The following ZC3H11A variants were observed in gnomAD, a reference collection of about 807,000 sequenced individuals.
The protein encoded by ZC3H11A is zinc finger CCCH domain-containing protein 11A.
ZC3H11A carries 22 observed loss-of-function variants against 90.8 expected under a neutral mutation model. The ratio of observed to expected loss-of-function variants is 0.24; its 90% CI spans 0.17 to 0.35. The LOEUF is 0.35. ZC3H11A is among the 10% of genes least tolerant of loss of function. The probability of loss-of-function intolerance (pLI) is 1.00; values close to 1 mark genes in which losing one functional copy is unlikely to be tolerated. For missense variants in ZC3H11A, 701 were observed against 964.9 expected, an observed-to-expected ratio of 0.73 and a Z score of 3.62; for synonymous variants, 294 against 339.8, an observed-to-expected ratio of 0.87 and a Z score of 1.48.
chr1:203,798,112 A>G, intron 1 of ZC3H11A: 7 of 1,536,152 alleles, frequency 4.6e-6, no homozygotes, highest in Non-Finnish European at 6.1e-6. Context: ...AGTGGAGAGG[A>G]GGACTTTACC....
chr1:203,829,226 T>G, intron 5 of ZC3H11A: 1 of 577,076 alleles, frequency 1.7e-6, no homozygotes. Context: ...GTTGATTCTG[T>G]TTTGAGTGCC....
chr1:203,797,904 A>G (rs1669162905), intron 1 of ZC3H11A: 2 of 1,535,996 alleles, frequency 1.3e-6, no homozygotes, highest in Non-Finnish European at 1.7e-6. Flanking sequence ...TCTACCTAGT[A>G]CTAGAGCCAA....
chr1:203,834,071 A>C, intron 10 of ZC3H11A: 1 of 1,215,496 alleles, frequency 8.2e-7, no homozygotes, highest in Middle Eastern at 3.2e-4. Flanking sequence ...GACCATGACC[A>C]GCGTTTTGGA....
chr1:203,811,838 A>T (rs1315663737), intron 2 of ZC3H11A, among the ~76,000 whole-genome samples: 244 of 134,500 alleles, frequency 1.8e-3, no homozygotes, highest in African/African-American at 6.2e-3. Flanking sequence ...TTTTTTTTTT[A>T]GACAGGTCTC....
chr1:203,804,154 T>G (rs1446468358), intron 2 of ZC3H11A, among the ~76,000 whole-genome samples: 3 of 112,218 alleles, frequency 2.7e-5, no homozygotes, highest in Non-Finnish European at 4.0e-5. Flanking sequence ...GTATATGTGT[T>G]TTTTTTTTTT....
At chr1:203,807,199 G>C (rs1433651067) in intron 2 of ZC3H11A, among the ~76,000 whole-genome samples, 1 of 151,992 alleles carries the variant, frequency 6.6e-6, no homozygotes, top group Non-Finnish European at 1.5e-5. Flanking sequence ...ATATACAGCT[G>C]GTTCAATTTG....
chr1:203,824,628 T>C (rs1679884872), intron 4 of ZC3H11A, among the ~76,000 whole-genome samples: 1 of 149,106 alleles, frequency 6.7e-6, no homozygotes, highest in Admixed American at 6.6e-5. Context: ...GAGCTCTGCC[T>C]CCTTCTGATA....
intron 14 of ZC3H11A, 117 bp downstream of exon 14, chr1:203,848,524 TC>T (rs775937144): frequency 1.4e-5 from 10 of 696,000 alleles, no homozygotes; most frequent in Non-Finnish European, 1.9e-5. Flanking sequence ...AAACAGTCTT[TC>T]TTTTTACTTA....
At chr1:203,809,138 C>A (rs1373505655) in intron 2 of ZC3H11A, among the ~76,000 whole-genome samples, 1 of 124,168 alleles carries the variant, frequency 8.1e-6, no homozygotes, top group Admixed American at 8.1e-5. Flanking sequence ...CCTGAGTTTT[C>A]TTATTATTTT....
At position 203,815,211 on chromosome 1, in the gene ZC3H11A, C is replaced by CTTTCTTTT. The variant is rs779729339; in HGVS notation, c.-145-1712_-145-1711insCTTTTTTT. Among the ~76,000 whole-genome samples, 424 of 59,242 alleles carry CTTTCTTTT rather than the reference C, an allele frequency of 7.2e-3. 12 individuals are homozygous for CTTTCTTTT. Among genetic ancestry groups the CTTTCTTTT allele is most frequent in the African/African-American group, 0.016 (325 of 20,874 alleles). 38.9% of individuals were successfully genotyped at this position (59,242 alleles called of 152,430 possible). On this transcript the variant is annotated intron_variant, in intron 2 of 17. Transcript: ENST00000367210. ...GTTATTTCATTATTTTCTTCCTTTT[C>CTTTCTTTT]TTTTCTTTTTTTTTTTTTTTTGAGA...
chr1:203,820,731 C>T (rs1449210143), intron 4 of ZC3H11A, among the ~76,000 whole-genome samples: 2 of 152,070 alleles, frequency 1.3e-5, no homozygotes. Flanking sequence ...TCACCTGCCT[C>T]AGCCTCCCAG....
intron 10 of ZC3H11A, 27 bp from the exon 11 acceptor site, chr1:203,837,939 C>T (rs1461165737): frequency 6.9e-6 from 11 of 1,595,624 alleles, no homozygotes; most frequent in Non-Finnish European, 9.4e-6. Flanking sequence ...GACTTGAAAT[C>T]TTAAACTAAG....
At position 203,834,043 on chromosome 1, in the gene ZC3H11A, A is replaced by G. The variant is rs558906109; in HGVS notation, c.874+190A>G. 13 of 1,259,088 alleles carry G rather than the reference A, an allele frequency of 1.0e-5. No homozygotes were observed. The African/African-American group carries it at 1.5e-4, about 15-fold the overall frequency. 78.0% of individuals were successfully genotyped at this position (1,259,088 alleles called of 1,614,324 possible). On this transcript the variant is annotated intron_variant, in intron 10 of 17. Coordinates refer to ENST00000367210, the MANE Select transcript of ZC3H11A (RefSeq NM_001376342.1). ...TGAAGATACAGAGATTTAAAGTGTTACAATTGAACTAGATTATGACCATGA... is the reference window on the plus strand; with the variant it reads ...TGAAGATACAGAGATTTAAAGTGTTGCAATTGAACTAGATTATGACCATGA...
intron 4 of ZC3H11A, among the ~76,000 whole-genome samples, chr1:203,821,970 G>A (rs1678896289): frequency 6.6e-6 from 1 of 152,094 alleles, no homozygotes; most frequent in Non-Finnish European, 1.5e-5. Flanking sequence ...TGTTAGCCAG[G>A]ATGGTCTCGA....
chr1:203,811,242 A>AG (rs1258752505), intron 2 of ZC3H11A, among the ~76,000 whole-genome samples: 1 of 151,876 alleles, frequency 6.6e-6, no homozygotes, highest in African/African-American at 2.4e-5. Context: ...CAGGAGGTGG[A>AG]GGTTGCAGTC....
Position 203,847,200 on chromosome 1 carries a change from T to A in ZC3H11A, c.1059T>A (p.Val353=). ...NEDATDKVNK[V]GEIHVKTLEE... is the part of the protein sequence containing the mutation. ...TGAAAACAGATAAAGTTAATAAAGT[T>A]GGTGAGATCCATGTGAAGACATTAG... Residue 353 remains valine (V), a synonymous_variant, in exon 13 of 18, where the codon GTT becomes GTA. Coordinates refer to ENST00000367210, the MANE Select transcript of ZC3H11A (RefSeq NM_001376342.1). The A allele has an allele frequency of 6.2e-7, 1 of 1,612,836 alleles. No homozygotes were observed. The highest frequency in any genetic ancestry group is 8.5e-7 in the Non-Finnish European group (1 of 1,179,662).
chr1:203,844,709 G>T (rs967954935), intron 12 of ZC3H11A, among the ~76,000 whole-genome samples: 1 of 152,116 alleles, frequency 6.6e-6, no homozygotes, highest in East Asian at 1.9e-4. Flanking sequence ...GTACTAACAG[G>T]CAGCTTGTAT....
intron 2 of ZC3H11A, among the ~76,000 whole-genome samples, chr1:203,811,780 T>C (rs1423530599): frequency 6.6e-6 from 1 of 151,948 alleles, no homozygotes; most frequent in African/African-American, 2.4e-5. Context: ...TTTCCTTTGT[T>C]GCATATATGT....
rs774995272 is a variant in ZC3H11A, at chr1:203,818,530, T to C, written c.55-40T>C. ...TTATGGATATTTTACCTAGGATGTA[T>C]TTCAATGCTACAAATAGAGTGTTCT... On this transcript the variant is annotated intron_variant, in intron 3 of 17. Coordinates refer to ENST00000367210, the MANE Select transcript of ZC3H11A (RefSeq NM_001376342.1). The C allele has an allele frequency of 4.3e-6, 7 of 1,613,000 alleles. No homozygotes were observed. The East Asian group carries it at 1.3e-4, about 31-fold the overall frequency.
Sources: gnomAD v4.1 joint callset for allele counts (sites outside exome capture counted in the v4.1 genomes callset) on GRCh38, gnomAD v4.1.1 for gene constraint, MANE v1.5 for transcripts, NCBI Gene and HGNC (gene_info 2026-07-23, HGNC 2026-07-21) for gene names.